The following SERGEF variants were observed in gnomAD, a reference collection of about 807,000 sequenced individuals.
The protein encoded by SERGEF is secretion-regulating guanine nucleotide exchange factor.
In SERGEF, 51 loss-of-function variants were observed where a neutral mutation model predicts 50.0. The ratio of observed to expected loss-of-function variants is 1.02; its 90% CI spans 0.81 to 1.29. SERGEF has a LOEUF of 1.29. SERGEF is among the 50% of genes most tolerant of loss of function. The pLI is 0.00. For synonymous variants in SERGEF, 205 were observed against 212.4 expected (o/e 0.97, Z 0.30); for missense variants, 521 against 557.0 (o/e 0.94, Z 0.65).
At chr11:17,825,399 A>G (rs557467070) in intron 10 of SERGEF, among the ~76,000 whole-genome samples, 1 of 152,312 alleles carries the variant, frequency 6.6e-6, no homozygotes, top group Non-Finnish European at 1.5e-5. Context: ...TTAGCTTCCT[A>G]GCAACCATGA....
chr11:17,981,385 G>T (rs536551280), intron 8 of SERGEF, among the ~76,000 whole-genome samples: 3 of 152,206 alleles, frequency 2.0e-5, no homozygotes, highest in Non-Finnish European at 4.4e-5. Context: ...TCTTTGAAGG[G>T]TAAAAGAAGT....
chr11:17,907,051 G>A (rs192034338), intron 9 of SERGEF, among the ~76,000 whole-genome samples: 1 of 151,312 alleles, frequency 6.6e-6, no homozygotes, highest in East Asian at 2.0e-4. Context: ...CATGACCCTC[G>A]GAAAGCTATT....
intron 9 of SERGEF, among the ~76,000 whole-genome samples, chr11:17,949,250 C>T (rs7940947): frequency 0.054 from 8,220 of 152,178 alleles, 307 homozygotes; most frequent in Non-Finnish European, 0.081. Context: ...TGGAGCCAGA[C>T]GGCAGTCATC....
chr11:17,882,355 G>T (rs562710173), intron 9 of SERGEF, among the ~76,000 whole-genome samples: 6 of 147,824 alleles, frequency 4.1e-5, no homozygotes, highest in African/African-American at 1.5e-4. Context: ...GGAGGTGGAG[G>T]TTGCAGTGAG....
chr11:17,865,127 TA>T (rs1317740745), intron 10 of SERGEF, among the ~76,000 whole-genome samples: 1 of 152,160 alleles, frequency 6.6e-6, no homozygotes, highest in Non-Finnish European at 1.5e-5. Context: ...GGTAGTCCCA[TA>T]AGATTATAAG....
chr11:17,816,302 C>T (rs1051201905), intron 10 of SERGEF, among the ~76,000 whole-genome samples: 1 of 152,156 alleles, frequency 6.6e-6, no homozygotes, highest in African/African-American at 2.4e-5. Context: ...TGAGACAGGG[C>T]GGTATTTGCA....
At chr11:17,910,612 A>C (rs1229343801) in intron 9 of SERGEF, among the ~76,000 whole-genome samples, 3 of 152,084 alleles carry the variant, frequency 2.0e-5, no homozygotes, top group Non-Finnish European at 4.4e-5. Context: ...AAGTCTCCCT[A>C]ATATTTTGCA....
rs116953455 is a variant in SERGEF, at chr11:17,830,341, A to T, written c.1049-41928T>A. 2.0e-3 allele frequency among the ~76,000 whole-genome samples: 311 copies of T among 152,314 alleles called. 1 individual carries two copies. Among genetic ancestry groups the T allele is most frequent in the South Asian group, 8.9e-3 (43 of 4,812 alleles). On this transcript the variant is annotated intron_variant, in intron 10 of 10. Transcript: ENST00000265965. Reference sequence around the variant, plus strand: ...GGGTTTGCCTTTCCTGGAGCTATTCATTCATATATTCACTCACTTGGTGTC... The same window carrying T: ...GGGTTTGCCTTTCCTGGAGCTATTCTTTCATATATTCACTCACTTGGTGTC...
At chr11:17,965,701 C>T (rs1376041454) in intron 8 of SERGEF, among the ~76,000 whole-genome samples, 1 of 152,142 alleles carries the variant, frequency 6.6e-6, no homozygotes, top group Non-Finnish European at 1.5e-5. Flanking sequence ...TAGAATAATG[C>T]CCAACACAAA....
chr11:17,959,700 T>C (rs1852957679), intron 8 of SERGEF, 64 bp from the exon 9 acceptor site: 4 of 1,395,712 alleles, frequency 2.9e-6, no homozygotes, highest in African/African-American at 1.5e-5. Context: ...GGGTAGGCAA[T>C]GAATTACAAG....
intron 4 of SERGEF, among the ~76,000 whole-genome samples, chr11:18,003,429 C>T (rs1009570423): frequency 4.6e-5 from 7 of 152,192 alleles, no homozygotes; most frequent in African/African-American, 1.4e-4. Context: ...CTACACATAG[C>T]TCTTGAAAAC....
chr11:17,985,062 G>T (rs967915073), intron 8 of SERGEF, among the ~76,000 whole-genome samples: 3 of 152,184 alleles, frequency 2.0e-5, no homozygotes, highest in African/African-American at 7.2e-5. Context: ...CCTACTGCAT[G>T]CAAGTAAAAG....
chr11:17,846,521 A>AT (rs1007983581), intron 10 of SERGEF: 252 of 353,502 alleles, frequency 7.1e-4, no homozygotes, highest in African/African-American at 1.1e-3. Flanking sequence ...CCATCTTTGT[A>AT]TTTTTTTTTC....
At chr11:17,831,784 CA>C (rs1412170170) in intron 10 of SERGEF, among the ~76,000 whole-genome samples, 1 of 152,174 alleles carries the variant, frequency 6.6e-6, no homozygotes, top group African/African-American at 2.4e-5. Context: ...GTCTGTCTTC[CA>C]CATCCAAGTC....
intron 10 of SERGEF, among the ~76,000 whole-genome samples, chr11:17,810,029 G>A (rs1849838836): frequency 6.6e-6 from 1 of 152,138 alleles, no homozygotes; most frequent in Admixed American, 6.5e-5. Context: ...AGGACCTGGA[G>A]AGAAGTGGCC....
chr11:17,936,502 A>G (rs1852455242), intron 9 of SERGEF, among the ~76,000 whole-genome samples: 2 of 152,190 alleles, frequency 1.3e-5, no homozygotes, highest in Admixed American at 1.3e-4. Flanking sequence ...CCAGTTTTCA[A>G]TGTGTTTTCA....
intron 9 of SERGEF, among the ~76,000 whole-genome samples, chr11:17,896,040 G>C (rs1369453200): frequency 6.6e-6 from 1 of 152,100 alleles, no homozygotes; most frequent in East Asian, 1.9e-4. Flanking sequence ...AAAGTGTGTG[G>C]TGAACAAAAA....
chr11:17,926,266 C>A (rs1271154448), intron 9 of SERGEF, among the ~76,000 whole-genome samples: 1 of 151,948 alleles, frequency 6.6e-6, no homozygotes. Flanking sequence ...CATGTTAGTA[C>A]AAATGATGAT....
chr11:18,009,211 G>C (rs1000783599), intron 1 of SERGEF, among the ~76,000 whole-genome samples: 2 of 152,158 alleles, frequency 1.3e-5, no homozygotes, highest in African/African-American at 4.8e-5. Flanking sequence ...TGACCTGTTA[G>C]GCTCATTCTT....
Sources: allele counts gnomAD v4.1 joint callset (sites outside exome capture counted in the v4.1 genomes callset), GRCh38; gene constraint gnomAD v4.1.1; transcripts MANE v1.5; gene names NCBI Gene and HGNC (gene_info 2026-07-23, HGNC 2026-07-21).